The following LYSMD1 variants were observed in gnomAD, a reference collection of about 807,000 sequenced individuals.
LYSMD1 encodes lysM and putative peptidoglycan-binding domain-containing protein 1.
In LYSMD1, 9 loss-of-function variants were observed where a neutral mutation model predicts 19.3. That is an observed-to-expected ratio of 0.47 (90% CI 0.28 to 0.81). The LOEUF is 0.81. Among genes scored for constraint, LYSMD1 ranks in the 40% least tolerant of loss-of-function variants. The probability of loss-of-function intolerance (pLI) is 0.11; values close to 1 mark genes in which losing one functional copy is unlikely to be tolerated. For missense variants in LYSMD1, 262 were observed against 279.8 expected (o/e 0.94, Z 0.45); for synonymous variants, 111 against 111.7 (o/e 0.99, Z 0.04).
In LYSMD1 at chr1:151,161,681, C is replaced by T. The variant is rs908834599; in HGVS notation, c.545+55G>A. The T allele has an allele frequency of 8.5e-5, 134 of 1,576,030 alleles. No individual in the cohort carries two copies. The Middle Eastern group carries it at 1.4e-3, about 16-fold the overall frequency. On this transcript the variant is annotated intron_variant, in intron 2 of 2. Coordinates refer to ENST00000368908, the MANE Select transcript of LYSMD1 (RefSeq NM_212551.5). ...TACTTGTGTTTGTGGTTAGGTAAGA[C>T]AGGAATGATGGAGGAGTCTAGGGAG... is the stretch of plus-strand genomic sequence containing the variant.
At position 151,162,192 on chromosome 1, in the gene LYSMD1, G is replaced by A. The variant is rs897897649; in HGVS notation, c.181-92C>T. 4 of 1,213,060 alleles carry A rather than the reference G, an allele frequency of 3.3e-6. No individual in the cohort carries two copies. In the African/African-American group the frequency reaches 6.3e-5, roughly 19 times the overall value. The allele number at this position is 1,213,060 out of a possible 1,614,324, so 75.1% of individuals were successfully genotyped here. On this transcript the variant is annotated intron_variant, in intron 1 of 2. Coordinates refer to ENST00000368908, the MANE Select transcript of LYSMD1 (RefSeq NM_212551.5). ...AAAGTGACTGTACAGAGTCTTCTTT[G>A]ATTCCATAACAACCAAGCTAAAGTA...
At chr1:151,158,920 C>T (rs759686603), downstream of LYSMD1, 51 of 1,614,228 alleles carry the variant, frequency 3.2e-5, no homozygotes, top group Non-Finnish European at 3.9e-5. Flanking sequence ...TGTGCTGCAC[C>T]GCAATGGCTC....
chr1:151,159,432 G>T (rs1386921519), downstream of LYSMD1: 2 of 644,234 alleles, frequency 3.1e-6, no homozygotes, highest in Non-Finnish European at 5.4e-6. Context: ...TGGAGAAGGA[G>T]CAATGCTGAG....
chr1:151,161,163 T>A, intron 2 of LYSMD1, 143 bp from the exon 3 acceptor site: 1 of 795,768 alleles, frequency 1.3e-6, no homozygotes, highest in Non-Finnish European at 2.0e-6. Context: ...AGATAAATCC[T>A]AACCCTAATG....
At chr1:151,151,885 C>T in the LYSMD1 span, among the ~76,000 whole-genome samples, 9 of 147,180 alleles carry the variant, frequency 6.1e-5, no homozygotes, top group Admixed American at 2.7e-4. Context: ...GGCAAGATCG[C>T]GCCATTGCAC....
intron 1 of LYSMD1, among the ~76,000 whole-genome samples, chr1:151,163,755 C>T (rs1398840562): frequency 6.6e-6 from 1 of 151,496 alleles, no homozygotes; most frequent in Non-Finnish European, 1.5e-5. Flanking sequence ...CCTGTACTCC[C>T]GAGCTCAAGC....
In LYSMD1 at chr1:151,165,585, C is replaced by T; in HGVS notation, c.-327G>A. 1 of 1,492,932 alleles carries T rather than the reference C, an allele frequency of 6.7e-7. No homozygotes were observed. Among genetic ancestry groups the T allele is most frequent in the Non-Finnish European group, 8.9e-7 (1 of 1,126,142 alleles). The allele number at this position is 1,492,932 out of a possible 1,614,324, so 92.5% of individuals were successfully genotyped here. A position where few individuals can be genotyped will look rare whatever the true frequency, so the allele number is the denominator to read the frequency against. On this transcript the variant is annotated 5_prime_UTR_variant, in exon 1 of 3. Coordinates refer to ENST00000368908, the MANE Select transcript of LYSMD1 (RefSeq NM_212551.5). ...CTAGAAATAATCCTCAACACTCTTT[C>T]CTCAGTTTGCCCCCAAGTAGCCTGG...
chr1:151,156,516 T>C (rs1471851109), downstream of LYSMD1: 2 of 152,236 alleles, frequency 1.3e-5, no homozygotes, highest in East Asian at 1.9e-4. Flanking sequence ...AATTCCACTC[T>C]TTTTGACCTT....
chr1:151,159,384 C>T, downstream of LYSMD1: 2 of 1,026,808 alleles, frequency 1.9e-6, no homozygotes, highest in South Asian at 3.4e-5. Context: ...CCCAAGAGTG[C>T]TTTTGACTCT....
At chr1:151,150,726 CTTTT>C in the LYSMD1 span, among the ~76,000 whole-genome samples, 1 of 144,614 alleles carries the variant, frequency 6.9e-6, no homozygotes, top group Non-Finnish European at 1.5e-5. Context: ...CTTTTCTTTT[CTTTT>C]CTTTTCTTTT....
At chr1:151,162,409 T>C (rs1304319339) in intron 1 of LYSMD1, among the ~76,000 whole-genome samples, 2 of 151,964 alleles carry the variant, frequency 1.3e-5, no homozygotes, top group Non-Finnish European at 2.9e-5. Flanking sequence ...CTGAGTAATA[T>C]AGTGAGACGC....
downstream of LYSMD1, chr1:151,158,569 A>G: frequency 1.0e-6 from 1 of 957,930 alleles, no homozygotes; most frequent in Admixed American, 2.9e-5. Flanking sequence ...GGAGAGGATG[A>G]CAAACAAAGA....
At chr1:151,162,148 C>T (rs1470771604) in intron 1 of LYSMD1, 48 bp from the exon 2 acceptor site, 1 of 1,552,502 alleles carries the variant, frequency 6.4e-7, no homozygotes, top group Admixed American at 2.2e-5. Context: ...AATGATCAAT[C>T]TTACATCTTG....
chr1:151,158,640 A>G (rs2101682243), downstream of LYSMD1: 1 of 1,413,846 alleles, frequency 7.1e-7, no homozygotes, highest in Non-Finnish European at 9.6e-7. Context: ...CTCTCTTTCT[A>G]AGGAAGCCTG....
At chr1:151,155,163 G>A (rs1683192165), downstream of LYSMD1, among the ~76,000 whole-genome samples, 1 of 152,106 alleles carries the variant, frequency 6.6e-6, no homozygotes, top group Admixed American at 6.5e-5. Flanking sequence ...TCCTGAGAAC[G>A]TCCTGTATTT....
At chr1:151,149,518 GGC>G in the LYSMD1 span, among the ~76,000 whole-genome samples, 2 of 152,184 alleles carry the variant, frequency 1.3e-5, no homozygotes, top group Non-Finnish European at 2.9e-5. Context: ...GGGAGGCTGA[GGC>G]GGGTGGATTG....
At chr1:151,150,736 C>CTTTTT in the LYSMD1 span, among the ~76,000 whole-genome samples, 144 of 125,022 alleles carry the variant, frequency 1.2e-3, no homozygotes, top group Middle Eastern at 3.8e-3. Context: ...CTTTTCTTTT[C>CTTTTT]TTTTTTTTTT....
At chr1:151,150,215 C>T in the LYSMD1 span, among the ~76,000 whole-genome samples, 79 of 152,178 alleles carry the variant, frequency 5.2e-4, 1 homozygote, top group Non-Finnish European at 1.0e-3. Context: ...CTCGGCCTCT[C>T]GAACTGCTGG....
intron 1 of LYSMD1, among the ~76,000 whole-genome samples, chr1:151,163,518 T>TTTTC (rs1050854863): frequency 1.1e-4 from 16 of 151,890 alleles, no homozygotes; most frequent in South Asian, 2.1e-4. Context: ...TGTATTCGTA[T>TTTTC]TTTCTTTCTT....
Sources: gnomAD v4.1 joint callset for allele counts (sites outside exome capture counted in the v4.1 genomes callset) on GRCh38, gnomAD v4.1.1 for gene constraint, MANE v1.5 for transcripts, NCBI Gene and HGNC (gene_info 2026-07-23, HGNC 2026-07-21) for gene names.